Variants in FKBP10 observed in about 807,000 individuals in gnomAD.
The protein encoded by FKBP10 is FKBP prolyl isomerase 10.
FKBP10 carries 34 observed loss-of-function variants against 53.7 expected under a neutral mutation model. The ratio of observed to expected loss-of-function variants is 0.63; its 90% confidence interval spans 0.48 to 0.84. The LOEUF (loss-of-function observed/expected upper bound fraction) is 0.84, where lower values mean the gene tolerates loss of function less well. Ranked by LOEUF, FKBP10 falls within the 40% of genes least tolerant of loss-of-function variation. The probability of loss-of-function intolerance (pLI) is 0.00; values close to 1 mark genes in which losing one functional copy is unlikely to be tolerated. For synonymous variants in FKBP10, 324 were observed against 335.7 expected, an observed-to-expected ratio of 0.97 and a Z score of 0.38; for missense variants, 748 against 797.8, an observed-to-expected ratio of 0.94 and a Z score of 0.75.
Position 41,822,595 on chromosome 17 carries a change from C to T in FKBP10, c.*187C>T, listed in dbSNP as rs979381074. ...CTAGATGAAAATCCACAGCACAGAC[C>T]TCTACCGTGTTTCTCTTCCATCCCT... On this transcript the variant is annotated 3_prime_UTR_variant, in exon 10 of 10. Coordinates refer to ENST00000321562, the MANE Select transcript of FKBP10 (RefSeq NM_021939.4). 5 of 670,096 alleles carry T rather than the reference C, an allele frequency of 7.5e-6. No individual in the cohort carries two copies. The highest frequency in any genetic ancestry group is 2.5e-5 in the Admixed American group (1 of 39,522). The allele number at this position is 670,096 out of a possible 1,614,324, so 41.5% of individuals were successfully genotyped here.
In FKBP10 at chr17:41,819,417, G is replaced by A. The variant is rs1434790573; in HGVS notation, c.917+18G>A. The A allele has an allele frequency of 1.2e-6, 2 of 1,613,350 alleles. No homozygotes were observed. Among genetic ancestry groups the A allele is most frequent in the South Asian group, 1.1e-5 (1 of 91,058 alleles). ...GATTCCAGGTCAGGAGGGTCTTGAG[G>A]TGGGAGGGCGGGGGCTGGGTGAAAC... is the stretch of plus-strand genomic sequence containing the variant. On this transcript the variant is annotated intron_variant, in intron 5 of 9. Transcript: ENST00000321562.
intron 1 of FKBP10, 25 bp from the exon 2 acceptor site, chr17:41,817,033 A>G (rs1394080073): frequency 3.7e-6 from 6 of 1,613,764 alleles, no homozygotes; most frequent in Non-Finnish European, 5.1e-6. Context: ...AGGTCACTGT[A>G]TCCCATCTGT....
chr17:41,816,966 C>G, intron 1 of FKBP10, 92 bp from the exon 2 acceptor site: 1 of 1,475,268 alleles, frequency 6.8e-7, no homozygotes, highest in Non-Finnish European at 9.4e-7. Flanking sequence ...GGATTGTGTG[C>G]GTGTGTGCAG....
At position 41,813,050 on chromosome 17, in the gene FKBP10, C is replaced by A. The variant is rs1555615647; in HGVS notation, c.16C>A (p.Pro6Thr). 1.9e-6 allele frequency: 3 copies of A among 1,610,112 alleles called. No homozygotes were observed. Among genetic ancestry groups the A allele is most frequent in the South Asian group, 2.2e-5 (2 of 90,990 alleles). Residue 6 changes from proline (P) to threonine (T), a missense_variant, in exon 1 of 10, where the codon CCC becomes ACC. Transcript: ENST00000321562. MFPAG[P>T]PSHSLLRLPL... Reference sequence around the variant, plus strand: ...TCCAGGCACCATGTTCCCCGCGGGCCCCCCCAGCCACAGCCTCCTCCGGCT... The same window carrying A: ...TCCAGGCACCATGTTCCCCGCGGGCACCCCCAGCCACAGCCTCCTCCGGCT...
intron 2 of FKBP10, 33 bp downstream of exon 2, chr17:41,817,236 A>C (rs2047828453): frequency 6.2e-7 from 1 of 1,607,510 alleles, no homozygotes. Context: ...CCGGGGGTGG[A>C]GGAGACCACG....
Position 41,820,261 on chromosome 17 carries a change from G to A in FKBP10, c.1064-8G>A. The A allele has an allele frequency of 6.2e-7, 1 of 1,614,010 alleles. No individual in the cohort carries two copies. Among genetic ancestry groups the A allele is most frequent in the Non-Finnish European group, 8.5e-7 (1 of 1,179,952 alleles). On this transcript the variant is annotated splice_region_variant and splice_polypyrimidine_tract_variant and intron_variant, in intron 6 of 9. Transcript: ENST00000321562. ...TGAGCTGACCACACTCCCCCATTCT[G>A]GCCTCAGGAGACAAGATCCCTGGCT...
chr17:41,817,957 A>C (rs1164990320), intron 2 of FKBP10, 132 bp from the exon 3 acceptor site: 1 of 940,954 alleles, frequency 1.1e-6, no homozygotes. Flanking sequence ...AAAAACAAAA[A>C]TAGTGGCATC....
intron 6 of FKBP10, 63 bp from the exon 7 acceptor site, chr17:41,820,206 A>C: frequency 1.9e-6 from 3 of 1,567,586 alleles, no homozygotes; most frequent in Non-Finnish European, 2.6e-6. Context: ...ACCTCCATGG[A>C]GAGACCTCAA....
At chr17:41,815,956 C>T (rs1194148421) in intron 1 of FKBP10, among the ~76,000 whole-genome samples, 1 of 151,278 alleles carries the variant, frequency 6.6e-6, no homozygotes, top group African/African-American at 2.4e-5. Context: ...GGCAACATGG[C>T]GAAAGCCCTC....
In FKBP10 at chr17:41,817,050, C is replaced by T; in HGVS notation, c.246-8C>T. 7 of 1,613,994 alleles carry T rather than the reference C, an allele frequency of 4.3e-6. No homozygotes were observed. Among genetic ancestry groups the T allele is most frequent in the Non-Finnish European group, 5.1e-6 (6 of 1,180,020 alleles). On this transcript the variant is annotated splice_region_variant and splice_polypyrimidine_tract_variant and intron_variant, in intron 1 of 9. Coordinates refer to ENST00000321562, the MANE Select transcript of FKBP10 (RefSeq NM_021939.4). ...GTCACTGTATCCCATCTGTCCCTCC[C>T]CCCCCAGCTATGATCGCAACACCTT...
rs782625599 is a variant in FKBP10, at chr17:41,819,544, A to C, written c.932A>C (p.His311Pro). Residue 311 changes from histidine (H) to proline (P), a missense_variant, in exon 6 of 10, where the codon CAC becomes CCC. Physicochemically the swap from His to Pro is moderately conservative, Grantham distance 77. Coordinates refer to ENST00000321562, the MANE Select transcript of FKBP10 (RefSeq NM_021939.4). The part of the protein sequence containing the change: ...TLFDSSYSRN[H>P]TYNTYIGQGY... ...TTGTATTGCAGCTACTCCCGCAACC[A>C]CACCTACAATACCTATATCGGGCAG... is the stretch of plus-strand genomic sequence containing the variant. The C allele has an allele frequency of 9.9e-6, 16 of 1,613,884 alleles. No individual in the cohort carries two copies. The highest frequency in any genetic ancestry group is 1.2e-5 in the Non-Finnish European group (14 of 1,179,996).
Position 41,813,058 on chromosome 17 carries a change from C to CCA in FKBP10, c.27_28dup (p.Ser10ThrfsTer150). On this transcript the variant is annotated frameshift_variant, in exon 1 of 10. Transcript: ENST00000321562. LOFTEE classifies it high-confidence loss of function. The stretch of plus-strand genomic sequence containing the variant: ...CCATGTTCCCCGCGGGCCCCCCCAG[C>CCA]CACAGCCTCCTCCGGCTCCCCCTGC... 1 of 1,610,320 alleles carries CCA rather than the reference C, an allele frequency of 6.2e-7. No homozygotes were observed. Among genetic ancestry groups the CCA allele is most frequent in the Non-Finnish European group, 8.5e-7 (1 of 1,179,656 alleles).
In FKBP10 at chr17:41,823,071, G is replaced by A. The variant is rs1343144171; in HGVS notation, c.*663G>A. ...GAAGAAAACAAAGGGCATGTGTGAG[G>A]GAAGCTGCTTGGGTGGGTGTTAGGG... On this transcript the variant is annotated 3_prime_UTR_variant, in exon 10 of 10. Transcript: ENST00000321562. 6.5e-6 allele frequency: 1 copy of A among 153,626 alleles called. No homozygotes were observed. The highest frequency in any genetic ancestry group is 6.2e-5 in the Admixed American group (1 of 16,156). The allele number at this position is 153,626 out of a possible 1,614,324, so 9.5% of individuals were successfully genotyped here. A position where few individuals can be genotyped will look rare whatever the true frequency, so the allele number is the denominator to read the frequency against.
chr17:41,822,270 C>A lies in FKBP10; in HGVS notation c.1611C>A (p.Leu537=), dbSNP rs1555617322. 1 of 1,613,924 alleles carries A rather than the reference C, an allele frequency of 6.2e-7. No homozygotes were observed. The highest frequency in any genetic ancestry group is 1.1e-5 in the South Asian group (1 of 91,014). The change falls in exon 10 of 10, where the codon CTC becomes CTA. Residue 537 remains leucine, a synonymous_variant. Transcript: ENST00000321562. ...AAGTGAGTGAGGGCAAAGGACGCCT[C>A]ATGCCTGGGCAGGACCCTGAGAAAA... is the stretch of plus-strand genomic sequence containing the variant. The part of the protein sequence containing the change: ...KAQVSEGKGR[L]MPGQDPEKTI...
chr17:41,818,286 GC>G lies in FKBP10; in HGVS notation c.581+9del. 1 of 1,613,914 alleles carries G rather than the reference GC, an allele frequency of 6.2e-7. No homozygotes were observed. Among genetic ancestry groups the G allele is most frequent in the Non-Finnish European group, 8.5e-7 (1 of 1,180,042 alleles). On this transcript the variant is annotated intron_variant, in intron 3 of 9. Transcript: ENST00000321562. ...CACCTCCTTCGACACCAGGTGAGGG[GC>G]TGGAGGGGAGCCCTGAGGCACTGGG...
At chr17:41,817,246 G>C in intron 2 of FKBP10, 43 bp downstream of exon 2, 1 of 1,605,020 alleles carries the variant, frequency 6.2e-7, no homozygotes, top group African/African-American at 1.3e-5. Context: ...AGGAGACCAC[G>C]AGGCAGAATC....
chr17:41,819,449 G>A, intron 5 of FKBP10, 50 bp downstream of exon 5: 3 of 1,613,762 alleles, frequency 1.9e-6, no homozygotes, highest in South Asian at 1.1e-5. Context: ...AAACGTGGAC[G>A]AAGCTGGGGG....
intron 1 of FKBP10, 31 bp downstream of exon 1, chr17:41,813,310 C>G (rs782260885): frequency 6.2e-7 from 1 of 1,612,906 alleles, no homozygotes; most frequent in Admixed American, 1.7e-5. Context: ...CCGGATTCAC[C>G]ACTCCGTCCC....
Position 41,820,340 on chromosome 17 carries a change from G to A in FKBP10, c.1135G>A (p.Val379Met). 1 of 1,614,232 alleles carries A rather than the reference G, an allele frequency of 6.2e-7. No homozygotes were observed. The highest frequency in any genetic ancestry group is 8.5e-7 in the Non-Finnish European group (1 of 1,180,042). ...CATTGACTTCCACAACCCTGCGGAT[G>A]TGGTGGAAATCAGGACACTGTCCCG... ...HVIDFHNPAD[V>M]VEIRTLSRPS... Residue 379 changes from valine to methionine, a missense_variant, in exon 7 of 10, where the codon GTG (valine) becomes ATG (methionine). Val to Met is a conservative substitution (Grantham distance 21, BLOSUM62 1). Coordinates refer to ENST00000321562, the MANE Select transcript of FKBP10 (RefSeq NM_021939.4).
Sources: allele counts gnomAD v4.1 joint callset (sites outside exome capture counted in the v4.1 genomes callset), GRCh38; gene constraint gnomAD v4.1.1; transcripts MANE v1.5; gene names NCBI Gene and HGNC (gene_info 2026-07-23, HGNC 2026-07-21).